Variants in RUFY3 observed in about 807,000 individuals in gnomAD.
RUFY3 encodes the protein protein RUFY3.
In RUFY3, 34 loss-of-function variants were observed where a neutral mutation model predicts 84.0. The ratio of observed to expected loss-of-function variants is 0.40; its 90% CI spans 0.31 to 0.54. The LOEUF (loss-of-function observed/expected upper bound fraction) is 0.54. RUFY3 is among the 20% of genes least tolerant of loss of function. RUFY3 has a pLI of 0.39. For synonymous variants in RUFY3, 242 were observed against 252.9 expected (o/e 0.96, Z 0.41); for missense variants, 507 against 736.8 (o/e 0.69, Z 3.61).
exon 1 of RUFY3, chr4:70,704,858 C>A: frequency 1.1e-6 from 1 of 950,050 alleles, no homozygotes; most frequent in Non-Finnish European, 1.3e-6. Flanking sequence ...GACGGGGCGG[C>A]GGCTCCTCGC....
intron 1 of RUFY3, among the ~76,000 whole-genome samples, chr4:70,735,057 G>C (rs995929846): frequency 6.6e-6 from 1 of 152,202 alleles, no homozygotes; most frequent in African/African-American, 2.4e-5. Context: ...TGCCAGAGAA[G>C]ATAATTGCCA....
chr4:70,776,732 C>T (rs750072881), intron 7 of RUFY3, among the ~76,000 whole-genome samples: 62 of 152,296 alleles, frequency 4.1e-4, no homozygotes, highest in Admixed American at 2.0e-3. Context: ...GCCGAGATCG[C>T]GCCACTGCAC....
rs1203373206 is a variant in RUFY3, at chr4:70,784,774, C to T, written c.988-22C>T. Reference sequence around the variant, plus strand: ...TATAGATTAAATCCTTAAATATGTACAATGTTATTTATCTTTTCAAGGGTC... The same window carrying T: ...TATAGATTAAATCCTTAAATATGTATAATGTTATTTATCTTTTCAAGGGTC... On this transcript the variant is annotated intron_variant, in intron 9 of 17. Transcript: ENST00000381006. 3.2e-6 allele frequency: 5 copies of T among 1,539,088 alleles called. No homozygotes were observed. The East Asian group carries it at 1.2e-4, about 36-fold the overall frequency.
chr4:70,759,512 G>A (rs949278594), intron 1 of RUFY3, among the ~76,000 whole-genome samples: 1 of 151,980 alleles, frequency 6.6e-6, no homozygotes, highest in African/African-American at 2.4e-5. Context: ...TTGTTATATC[G>A]ATTTCCTTTC....
intron 1 of RUFY3, among the ~76,000 whole-genome samples, chr4:70,751,521 T>A (rs1018800936): frequency 2.6e-5 from 4 of 152,244 alleles, no homozygotes; most frequent in Non-Finnish European, 4.4e-5. Flanking sequence ...CATCTTTTCA[T>A]ATGCTTTCTG....
intron 3 of RUFY3, 107 bp downstream of exon 3, chr4:70,763,776 A>ATCCGGG: frequency 7.5e-7 from 1 of 1,340,384 alleles, no homozygotes; most frequent in East Asian, 2.4e-5. Flanking sequence ...TTTTATAACA[A>ATCCGGG]TCCAAAATGC....
Position 70,792,760 on chromosome 4 carries a change from C to T in RUFY3, c.1338-1025C>T, listed in dbSNP as rs532442302. On this transcript the variant is annotated intron_variant, in intron 12 of 17. Transcript: ENST00000381006. ...CCATGTGTGCTTATATAGGTCCCTG[C>T]ACAGATTGGACTTGAACCAAAATTA... 301 of 985,266 alleles carry T rather than the reference C, an allele frequency of 3.1e-4. 4 individuals carry two copies. Among genetic ancestry groups the T allele is most frequent in the South Asian group, 2.8e-3 (59 of 21,274 alleles). 61.0% of individuals were successfully genotyped at this position (985,266 alleles called of 1,614,324 possible).
chr4:70,769,468 T>C (rs1348199246), intron 5 of RUFY3, among the ~76,000 whole-genome samples: 2 of 152,242 alleles, frequency 1.3e-5, no homozygotes, highest in Non-Finnish European at 2.9e-5. Context: ...AACAATCACC[T>C]GAGCCTTCAG....
chr4:70,803,070 C>A, intron 16 of RUFY3, 87 bp downstream of exon 16: 1 of 953,434 alleles, frequency 1.0e-6, no homozygotes, highest in Non-Finnish European at 1.7e-6. Flanking sequence ...GTAGCATGGG[C>A]GGAAGATGAG....
At chr4:70,715,944 T>A (rs1411467151) in intron 1 of RUFY3, among the ~76,000 whole-genome samples, 1 of 152,018 alleles carries the variant, frequency 6.6e-6, no homozygotes, top group Non-Finnish European at 1.5e-5. Flanking sequence ...AAACCCCATC[T>A]GTACTAAAAA....
intron 9 of RUFY3, among the ~76,000 whole-genome samples, chr4:70,783,722 AT>A (rs201579220): frequency 0.027 from 4,093 of 152,338 alleles, 80 homozygotes; most frequent in Middle Eastern, 0.054. Context: ...ACTGAGGATC[AT>A]TAATTACCAA....
At chr4:70,717,523 C>T (rs1397475249), upstream of RUFY3, among the ~76,000 whole-genome samples, 1 of 152,136 alleles carries the variant, frequency 6.6e-6, no homozygotes, top group African/African-American at 2.4e-5. Context: ...AAAAAAATTT[C>T]TTCAAATCTT....
At chr4:70,781,253 G>A (rs1426778603) in intron 8 of RUFY3, among the ~76,000 whole-genome samples, 1 of 152,172 alleles carries the variant, frequency 6.6e-6, no homozygotes, top group Non-Finnish European at 1.5e-5. Flanking sequence ...GGAAGCCAAG[G>A]CAGGAGGATC....
rs1742467797 is a variant in RUFY3 at position 70,722,651 on chromosome 4, C to T, written c.78C>T (p.Ile26=). ...TCACACAGGCTGCCATGGAGACCAT[C>T]TACCTTTGCAAATTCCGAGTGTCCA... ...DKITQAAMET[I]YLCKFRVSMD... The change falls in exon 1 of 18, where the codon ATC becomes ATT. Residue 26 remains isoleucine (I), a synonymous_variant. Coordinates refer to ENST00000381006, the MANE Select transcript of RUFY3 (RefSeq NM_001037442.4). 2 of 1,613,996 alleles carry T rather than the reference C, an allele frequency of 1.2e-6. No homozygotes were observed. Among genetic ancestry groups the T allele is most frequent in the African/African-American group, 1.3e-5 (1 of 74,902 alleles).
intron 1 of RUFY3, among the ~76,000 whole-genome samples, chr4:70,761,776 C>T (rs1725073304): frequency 6.6e-6 from 1 of 152,184 alleles, no homozygotes; most frequent in Non-Finnish European, 1.5e-5. Flanking sequence ...TCTAGTACTG[C>T]ATTATACTAA....
intron 1 of RUFY3, among the ~76,000 whole-genome samples, chr4:70,755,716 C>G (rs940773027): frequency 6.6e-6 from 1 of 152,128 alleles, no homozygotes; most frequent in Non-Finnish European, 1.5e-5. Flanking sequence ...CTTTGGGACA[C>G]TGAGGCGGGC....
intron 6 of RUFY3, among the ~76,000 whole-genome samples, 188 bp downstream of exon 6, chr4:70,773,760 T>TTTTG (rs1032471361): frequency 1.3e-5 from 2 of 152,306 alleles, no homozygotes; most frequent in East Asian, 3.9e-4. Context: ...AAAAGGATTT[T>TTTTG]TTTGTTTGTT....
chr4:70,789,980 C>A, intron 12 of RUFY3: 1 of 791,342 alleles, frequency 1.3e-6, no homozygotes, highest in Non-Finnish European at 1.5e-6. Flanking sequence ...TACTTGGATG[C>A]TAGGGGATAT....
intron 2 of RUFY3, 28 bp downstream of exon 2, chr4:70,762,720 T>C: frequency 6.3e-7 from 1 of 1,586,860 alleles, no homozygotes. Flanking sequence ...AATGCAAATA[T>C]GCATGCAGCT....
Sources: allele counts gnomAD v4.1 joint callset (sites outside exome capture counted in the v4.1 genomes callset), GRCh38; gene constraint gnomAD v4.1.1; transcripts MANE v1.5; gene names NCBI Gene and HGNC (gene_info 2026-07-23, HGNC 2026-07-21).